The following TMEM161B variants were observed in gnomAD, a reference collection of about 807,000 sequenced individuals.
TMEM161B encodes transmembrane protein 161B.
Under a neutral mutation model 61.8 loss-of-function variants are expected in TMEM161B, and 34 were observed. The observed-to-expected ratio is 0.55, with a 90% CI of 0.42 to 0.73. The LOEUF (loss-of-function observed/expected upper bound fraction) is 0.73, where lower values mean the gene tolerates loss of function less well. TMEM161B is among the 30% of genes least tolerant of loss of function. The pLI, the probability that TMEM161B is intolerant of heterozygous loss-of-function variation, is 0.00. For synonymous variants in TMEM161B, 167 were observed against 192.8 expected, an observed-to-expected ratio of 0.87 and a Z score of 1.11; for missense variants, 456 against 558.5, an observed-to-expected ratio of 0.82 and a Z score of 1.85.
chr5:88,206,029 A>AT (rs1223921707), intron 7 of TMEM161B, 75 bp from the exon 8 acceptor site: 6 of 1,155,460 alleles, frequency 5.2e-6, no homozygotes, highest in Non-Finnish European at 7.4e-6. Flanking sequence ...CTTCTAATCA[A>AT]TTATCTTACA....
chr5:88,213,944 C>T (rs1747351232), intron 5 of TMEM161B, among the ~76,000 whole-genome samples: 1 of 151,986 alleles, frequency 6.6e-6, no homozygotes, highest in African/African-American at 2.4e-5. Context: ...TTTGCTTTTC[C>T]TTATTAATCT....
At chr5:88,238,758 A>G (rs1340033989) in intron 2 of TMEM161B, among the ~76,000 whole-genome samples, 1 of 152,058 alleles carries the variant, frequency 6.6e-6, no homozygotes, top group East Asian at 1.9e-4. Context: ...AAAGGCTCAT[A>G]AAATAATAAT....
Position 88,220,676 on chromosome 5 carries a change from T to C in TMEM161B, c.333A>G (p.Thr111=). 1 of 1,572,818 alleles carries C rather than the reference T, an allele frequency of 6.4e-7. No homozygotes were observed. Among genetic ancestry groups the C allele is most frequent in the South Asian group, 1.2e-5 (1 of 84,476 alleles). Reference sequence around the variant, plus strand: ...CTAGATACACAACTGTAGCAGCCACTGTGAAATCCACCAGCCACTGGTATT... The same window carrying C: ...CTAGATACACAACTGTAGCAGCCACCGTGAAATCCACCAGCCACTGGTATT... ...FPEYQWLVDF[T]VAATVVYLVT... The change falls in exon 5 of 12, where the codon ACA becomes ACG. Residue 111 remains threonine (T), a synonymous_variant. Coordinates refer to ENST00000296595, the MANE Select transcript of TMEM161B (RefSeq NM_153354.5).
chr5:88,200,475 G>A (rs1197926875), intron 9 of TMEM161B: 2 of 152,094 alleles, frequency 1.3e-5, no homozygotes, highest in Non-Finnish European at 2.9e-5. Context: ...AACTAACTGG[G>A]AGCAGCCTGA....
chr5:88,208,594 A>G (rs1048042058), intron 5 of TMEM161B, among the ~76,000 whole-genome samples: 3 of 152,242 alleles, frequency 2.0e-5, no homozygotes, highest in Non-Finnish European at 4.4e-5. Flanking sequence ...GTGAGCCGAG[A>G]TAGCACCACT....
intron 6 of TMEM161B, 138 bp downstream of exon 6, chr5:88,206,887 GTTAA>G (rs1377109217): frequency 4.6e-6 from 3 of 656,324 alleles, no homozygotes; most frequent in Non-Finnish European, 7.2e-6. Context: ...AATAATAAAG[GTTAA>G]TTATTTTGAA....
intron 3 of TMEM161B, among the ~76,000 whole-genome samples, chr5:88,227,988 A>T (rs1258714137): frequency 2.0e-5 from 3 of 152,044 alleles, no homozygotes; most frequent in Admixed American, 2.0e-4. Flanking sequence ...CATGAAAAGA[A>T]CATTCAGGAG....
intron 11 of TMEM161B, among the ~76,000 whole-genome samples, chr5:88,196,837 G>C (rs921476892): frequency 6.6e-6 from 1 of 152,088 alleles, no homozygotes; most frequent in Non-Finnish European, 1.5e-5. Context: ...TAACTTCTGA[G>C]AAATCTTTTC....
intron 5 of TMEM161B, among the ~76,000 whole-genome samples, chr5:88,209,960 T>C (rs1471640418): frequency 6.6e-6 from 1 of 152,232 alleles, no homozygotes; most frequent in African/African-American, 2.4e-5. Context: ...TCTTTTCCTC[T>C]TTTGAACTTA....
intron 3 of TMEM161B, among the ~76,000 whole-genome samples, chr5:88,227,693 T>C (rs998450998): frequency 1.3e-5 from 2 of 152,228 alleles, no homozygotes; most frequent in Admixed American, 6.5e-5. Flanking sequence ...TTTTATGATA[T>C]ACATGAGAAA....
chr5:88,268,276 A>G (rs1756671861), intron 1 of TMEM161B, among the ~76,000 whole-genome samples: 1 of 152,222 alleles, frequency 6.6e-6, no homozygotes, highest in Non-Finnish European at 1.5e-5. Flanking sequence ...TTTAAATGAC[A>G]GGTGTTGATC....
downstream of TMEM161B, among the ~76,000 whole-genome samples, chr5:88,190,435 A>G (rs894993549): frequency 6.6e-6 from 1 of 152,144 alleles, no homozygotes. Flanking sequence ...TCTCCCATCT[A>G]GTAACCGAAT....
intron 1 of TMEM161B, among the ~76,000 whole-genome samples, chr5:88,254,990 T>C (rs1384291622): frequency 6.6e-6 from 1 of 150,822 alleles, no homozygotes; most frequent in African/African-American, 2.4e-5. Context: ...GAAAGAAAAA[T>C]TTGAAGAATA....
chr5:88,194,691 T>C (rs927099304), downstream of TMEM161B, among the ~76,000 whole-genome samples: 12 of 152,122 alleles, frequency 7.9e-5, no homozygotes, highest in South Asian at 6.2e-4. Context: ...GAATTTGCTA[T>C]ATTAAAATTT....
intron 2 of TMEM161B, among the ~76,000 whole-genome samples, chr5:88,234,047 G>C (rs534904280): frequency 6.6e-6 from 1 of 152,260 alleles, no homozygotes; most frequent in African/African-American, 2.4e-5. Flanking sequence ...CAAAAACTAA[G>C]AAATGGATAT....
chr5:88,263,260 C>T (rs1036801179), intron 1 of TMEM161B, among the ~76,000 whole-genome samples: 10 of 152,126 alleles, frequency 6.6e-5, no homozygotes, highest in African/African-American at 2.4e-4. Context: ...CCCTTACTCT[C>T]TCTGTTAAAT....
At position 88,196,416 on chromosome 5, in the gene TMEM161B, G is replaced by T. The variant is rs774708725; in HGVS notation, c.1259C>A (p.Ser420Tyr). 8 of 1,613,242 alleles carry T rather than the reference G, an allele frequency of 5.0e-6. No homozygotes were observed. The South Asian group carries it at 7.7e-5, about 16-fold the overall frequency. Residue 420 changes from serine (S) to tyrosine (Y), a missense_variant, in exon 12 of 12, where the codon TCT becomes TAT. Ser to Tyr is a moderately radical substitution (Grantham distance 144). Transcript: ENST00000296595. Reference protein sequence around the residue: ...LPVDNSLLSNSVYSELPSAEG... With the variant: ...LPVDNSLLSNYVYSELPSAEG... ...AGCTGATGGTAATTCAGAGTAAACA[G>T]AATTGGACAGTAGACTATTATCCAC...
intron 11 of TMEM161B, among the ~76,000 whole-genome samples, chr5:88,197,382 GTAAC>G (rs1749839244): frequency 6.6e-6 from 1 of 152,118 alleles, no homozygotes; most frequent in African/African-American, 2.4e-5. Flanking sequence ...TAACATGAAA[GTAAC>G]TAAGATCAAC....
chr5:88,206,074 C>CA, intron 7 of TMEM161B, 120 bp from the exon 8 acceptor site: 6 of 835,426 alleles, frequency 7.2e-6, no homozygotes, highest in Non-Finnish European at 9.2e-6. Context: ...CAAATTTCTA[C>CA]AAAAAGATTG....
Sources: gnomAD v4.1 joint callset for allele counts (sites outside exome capture counted in the v4.1 genomes callset) on GRCh38, gnomAD v4.1.1 for gene constraint, MANE v1.5 for transcripts, NCBI Gene and HGNC (gene_info 2026-07-23, HGNC 2026-07-21) for gene names.